The following XCR1 variants were observed in gnomAD, a reference collection of about 807,000 sequenced individuals.
XCR1 encodes the protein X-C motif chemokine receptor 1, also known as chemokine XC receptor 1.
For missense variants in XCR1, 356 were observed against 424.2 expected, an observed-to-expected ratio of 0.84 and a Z score of 1.41; for synonymous variants, 187 against 188.5, an observed-to-expected ratio of 0.99 and a Z score of 0.06.
chr3:46,079,359 T>C (rs949584154), intron 1 of XCR1, among the ~76,000 whole-genome samples: 1 of 152,274 alleles, frequency 6.6e-6, no homozygotes, highest in African/African-American at 2.4e-5. Flanking sequence ...TTTTAGAACA[T>C]GAAATAGGAT....
chr3:46,064,715 G>A (rs190365612), intron 4 of XCR1, among the ~76,000 whole-genome samples: 63 of 152,288 alleles, frequency 4.1e-4, no homozygotes, highest in African/African-American at 1.4e-3. Context: ...TTCCAGCTGC[G>A]CCTAGCTCTC....
chr3:46,037,455 G>A (rs1697449956), intron 5 of XCR1, among the ~76,000 whole-genome samples: 1 of 152,032 alleles, frequency 6.6e-6, no homozygotes, highest in Non-Finnish European at 1.5e-5. Context: ...GTATGAGAAA[G>A]ATCTTGTATG....
chr3:46,074,303 A>G (rs1698216692), intron 3 of XCR1, among the ~76,000 whole-genome samples: 1 of 138,410 alleles, frequency 7.2e-6, no homozygotes, highest in Non-Finnish European at 1.5e-5. Flanking sequence ...GACTCATTGC[A>G]GCCTCAACCC....
chr3:46,050,832 G>C (rs1012427600), intron 5 of XCR1, among the ~76,000 whole-genome samples: 1 of 152,158 alleles, frequency 6.6e-6, no homozygotes, highest in African/African-American at 2.4e-5. Flanking sequence ...TGGCCACTGG[G>C]GAAGGTAAAC....
At chr3:46,030,057 TG>T (rs139312432), upstream of XCR1, among the ~76,000 whole-genome samples, 24,935 of 150,402 alleles carry the variant, frequency 0.17, 2,156 homozygotes, top group East Asian at 0.26. Context: ...TTTTTGTTTT[TG>T]TTTTTTTGGT....
At position 46,021,326 on chromosome 3, in the gene XCR1, TC is replaced by T; in HGVS notation, c.621del (p.Ile208SerfsTer58). 6.2e-7 allele frequency: 1 copy of T among 1,613,964 alleles called. No homozygotes were observed. The highest frequency in any genetic ancestry group is 1.7e-5 in the Admixed American group (1 of 60,008). ...SLGIILFCYV[E>X]ILRTLFRSRS... The stretch of plus-strand genomic sequence containing the variant: ...CGTGAGCGGAACAGGGTCCTGAGGA[TC>T]TCCACGTAGCAGAACAGGATAATCC... On this transcript the variant is annotated frameshift_variant, in exon 2 of 2. Transcript: ENST00000309285. LOFTEE classifies it low-confidence loss of function (END_TRUNC). The surrounding 1 kb of genome is among the most constrained non-coding windows in gnomAD (Gnocchi z 4.7).
At chr3:46,065,468 C>T (rs1359990573) in intron 4 of XCR1, among the ~76,000 whole-genome samples, 3 of 152,216 alleles carry the variant, frequency 2.0e-5, no homozygotes, top group African/African-American at 4.8e-5. Flanking sequence ...CAACAAGCTC[C>T]GGCAGCTGAG....
intron 5 of XCR1, among the ~76,000 whole-genome samples, chr3:46,053,366 G>C (rs1281797006): frequency 2.1e-5 from 3 of 145,980 alleles, no homozygotes; most frequent in Non-Finnish European, 4.4e-5. Flanking sequence ...CATGGCAGCA[G>C]AACGTAAAAT....
chr3:46,051,781 C>T (rs184611232), intron 5 of XCR1, among the ~76,000 whole-genome samples: 147 of 152,326 alleles, frequency 9.7e-4, no homozygotes, highest in African/African-American at 3.5e-3. Flanking sequence ...AATCCCAGCA[C>T]TTTGTGAGGC....
At position 46,057,659 on chromosome 3, in the gene XCR1, G is replaced by A. The variant is rs6788690; in HGVS notation, c.-182-3589C>T. On this transcript the variant is annotated intron_variant, in intron 4 of 5. Transcript: ENST00000683768. ...GAAATTATTCCTAATACTCTAGGAG[G>A]CCCGATTCCTCCTAGAGTTGAAAGG... 4.6e-3 allele frequency among the ~76,000 whole-genome samples: 697 copies of A among 152,134 alleles called. 6 individuals are homozygous for A. The highest frequency in any genetic ancestry group is 0.016 in the African/African-American group (644 of 41,482).
At chr3:46,053,709 C>A (rs1240879423) in intron 5 of XCR1, among the ~76,000 whole-genome samples, 2 of 152,164 alleles carry the variant, frequency 1.3e-5, no homozygotes. Flanking sequence ...CCTGTGGAAA[C>A]CATGGGTTAT....
At chr3:46,024,342 A>C (rs1326078076) in intron 1 of XCR1, among the ~76,000 whole-genome samples, 1 of 152,202 alleles carries the variant, frequency 6.6e-6, no homozygotes, top group Non-Finnish European at 1.5e-5. Context: ...GTCACTGTGA[A>C]ATGCGTTGCA....
intron 5 of XCR1, among the ~76,000 whole-genome samples, chr3:46,036,785 G>A (rs1233560562): frequency 3.3e-5 from 5 of 152,130 alleles, no homozygotes; most frequent in Non-Finnish European, 5.9e-5. Context: ...GAAAACAGCT[G>A]AATCTTCTGA....
chr3:46,043,975 C>T (rs1204731291), intron 5 of XCR1, among the ~76,000 whole-genome samples: 2 of 151,762 alleles, frequency 1.3e-5, no homozygotes, highest in African/African-American at 4.8e-5. Flanking sequence ...AAGTGGTACC[C>T]CATTGTGGTT....
intron 3 of XCR1, among the ~76,000 whole-genome samples, chr3:46,069,478 G>C (rs1391941347): frequency 6.6e-6 from 1 of 152,086 alleles, no homozygotes; most frequent in East Asian, 1.9e-4. Context: ...TTGTACGGGG[G>C]GGTTAGACAT....
chr3:46,040,649 C>A (rs1697524519), intron 5 of XCR1, among the ~76,000 whole-genome samples: 1 of 151,350 alleles, frequency 6.6e-6, no homozygotes, highest in Non-Finnish European at 1.5e-5. Flanking sequence ...CAGAAATAAC[C>A]AAATTTCCTT....
chr3:46,054,452 C>T (rs777038611), intron 4 of XCR1, among the ~76,000 whole-genome samples: 1 of 151,958 alleles, frequency 6.6e-6, no homozygotes, highest in Non-Finnish European at 1.5e-5. Flanking sequence ...TTGGTCAGTC[C>T]CACGGGCGTT....
At chr3:46,082,572 C>G (rs769603242) in intron 1 of XCR1, among the ~76,000 whole-genome samples, 2 of 149,108 alleles carry the variant, frequency 1.3e-5, no homozygotes, top group Non-Finnish European at 3.0e-5. Context: ...CTCACTGCGG[C>G]CTCCAACTCC....
chr3:46,085,447 G>A (rs1698456976), intron 1 of XCR1, among the ~76,000 whole-genome samples: 1 of 152,160 alleles, frequency 6.6e-6, no homozygotes, highest in Admixed American at 6.5e-5. Flanking sequence ...CAATTGTTCT[G>A]CAGCCTGTAT....
Sources: gnomAD v4.1 joint callset for allele counts (sites outside exome capture counted in the v4.1 genomes callset) on GRCh38, gnomAD v4.1.1 for gene constraint, Gnocchi (gnomAD v3.1) non-coding constraint, MANE v1.5 for transcripts, NCBI Gene and HGNC (gene_info 2026-07-23, HGNC 2026-07-21) for gene names.